Variants in KLHL38 observed in about 807,000 individuals in gnomAD.
The protein encoded by KLHL38 is kelch like family member 38.
A neutral mutation model predicts 39.6 loss-of-function variants in KLHL38; 38 were observed. The ratio of observed to expected loss-of-function variants is 0.96; its 90% confidence interval spans 0.74 to 1.26. The LOEUF (loss-of-function observed/expected upper bound fraction) is 1.26. Among genes scored for constraint, KLHL38 ranks in the 50% most tolerant of loss-of-function variants. The pLI is 0.00. For missense variants in KLHL38, 803 were observed against 748.1 expected (o/e 1.07, Z -0.86); for synonymous variants, 322 against 302.2 (o/e 1.07, Z -0.68).
intron 2 of KLHL38, among the ~76,000 whole-genome samples, chr8:123,649,554 A>G (rs1273822211): frequency 6.6e-6 from 1 of 152,160 alleles, no homozygotes. Flanking sequence ...ACTTCTAAAA[A>G]TGTGAATGTG....
intron 3 of KLHL38, 93 bp from the exon 4 acceptor site, chr8:123,646,121 G>C (rs753247219): frequency 5.3e-6 from 6 of 1,131,986 alleles, no homozygotes; most frequent in East Asian, 2.4e-5. Flanking sequence ...CTGCCACTGC[G>C]TAAGGCTGAG....
Position 123,652,755 on chromosome 8 carries a change from A to C in KLHL38, c.172T>G (p.Tyr58Asp). 1 of 1,614,164 alleles carries C rather than the reference A, an allele frequency of 6.2e-7. No homozygotes were observed. Among genetic ancestry groups the C allele is most frequent in the Non-Finnish European group, 8.5e-7 (1 of 1,180,012 alleles). The change falls in exon 2 of 4, where the codon TAC becomes GAC. Residue 58 changes from tyrosine (Y) to aspartate (D), a missense_variant. By Grantham distance (160) the Tyr-to-Asp change is radical (BLOSUM62 -3). Transcript: ENST00000684634. ...CTGCTGCAGAACATAGCCCTGAAGT[A>C]GGGGCTGCTGGAGGCCAGCACGTTG... ...HRNVLASSSP[Y>D]FRAMFCSSFR...
At chr8:123,647,152 T>C in intron 2 of KLHL38, 138 bp from the exon 3 acceptor site, 1 of 627,480 alleles carries the variant, frequency 1.6e-6, no homozygotes, top group South Asian at 1.9e-5. Context: ...ATGTAGCTAT[T>C]GTTAATAAAC....
rs1587050136 is a variant in KLHL38, at chr8:123,645,333, A to G, written c.*406T>C. 6.6e-6 allele frequency among the ~76,000 whole-genome samples: 1 copy of G among 152,196 alleles called. No homozygotes were observed. The highest frequency in any genetic ancestry group is 1.9e-4 in the East Asian group (1 of 5,174). On this transcript the variant is annotated 3_prime_UTR_variant, in exon 4 of 4. Transcript: ENST00000684634. The stretch of plus-strand genomic sequence containing the variant: ...ATGCCTATAATCCCAGCTACTCAGG[A>G]GGCTGAGGCGTGAGAATCGCTTGAA...
chr8:123,650,436 C>T (rs558225994), intron 2 of KLHL38, among the ~76,000 whole-genome samples: 6 of 152,258 alleles, frequency 3.9e-5, no homozygotes, highest in South Asian at 2.1e-4. Flanking sequence ...TAGGGCATCC[C>T]GCCTGTGCTC....
chr8:123,652,782 G>T lies in KLHL38; in HGVS notation c.145C>A (p.Arg49Ser). 10 of 1,614,124 alleles carry T rather than the reference G, an allele frequency of 6.2e-6. No individual in the cohort carries two copies. Among genetic ancestry groups the T allele is most frequent in the Non-Finnish European group, 8.5e-6 (10 of 1,180,024 alleles). ...GGGCTGCTGGAGGCCAGCACGTTGC[G>T]GTGGCAGGGGATCTCCCGGGCACCG... ...CAGAREIPCHRNVLASSSPYF... is the reference protein window; with the variant it reads ...CAGAREIPCHSNVLASSSPYF... The change falls in exon 2 of 4, where the codon CGC (arginine) becomes AGC (serine). Residue 49 changes from arginine to serine, a missense_variant. Coordinates refer to ENST00000684634, the MANE Select transcript of KLHL38 (RefSeq NM_001081675.3).
chr8:123,652,380 A>C lies in KLHL38; in HGVS notation c.547T>G (p.Tyr183Asp). The change falls in exon 2 of 4, where the codon TAT becomes GAT. Residue 183 changes from tyrosine to aspartate, a missense_variant. Physicochemically the swap from Tyr to Asp is radical, Grantham distance 160. Transcript: ENST00000684634. ...CCACAGAGCCCATCATCTCCGAGATAGTCCCTCAACTCCAAGGCACAGAGC... is the reference window on the plus strand; with the variant it reads ...CCACAGAGCCCATCATCTCCGAGATCGTCCCTCAACTCCAAGGCACAGAGC... ...KELCALELRD[Y>D]LGDDGLCGEE... The C allele has an allele frequency of 6.2e-7, 1 of 1,613,996 alleles. No homozygotes were observed. Among genetic ancestry groups the C allele is most frequent in the Non-Finnish European group, 8.5e-7 (1 of 1,180,012 alleles).
rs754840984 is a variant in KLHL38, at chr8:123,651,758, C to T, written c.1169G>A (p.Gly390Glu). 1 of 1,614,082 alleles carries T rather than the reference C, an allele frequency of 6.2e-7. No individual in the cohort carries two copies. Among genetic ancestry groups the T allele is most frequent in the South Asian group, 1.1e-5 (1 of 91,060 alleles). ...AHKNFIFSIG[G>E]IGEGQELMGS... is the part of the protein sequence containing the mutation. The stretch of plus-strand genomic sequence containing the variant: ...CATGAGCTCCTGCCCTTCTCCAATC[C>T]CCCCGATGGAGAAGATGAAGTTCTT... Residue 390 changes from glycine to glutamate, a missense_variant, in exon 2 of 4, where the codon GGG becomes GAG. Coordinates refer to ENST00000684634, the MANE Select transcript of KLHL38 (RefSeq NM_001081675.3).
chr8:123,648,047 C>T (rs537927271), intron 2 of KLHL38, among the ~76,000 whole-genome samples: 1 of 152,308 alleles, frequency 6.6e-6, no homozygotes, highest in Admixed American at 6.5e-5. Context: ...CACCACTGCA[C>T]TCTAGCCTGG....
rs1348560729 is a variant in KLHL38 at position 123,648,345 on chromosome 8, G to A, written c.1351-1331C>T. Among the ~76,000 whole-genome samples the A allele has an allele frequency of 2.6e-5, 4 of 152,138 alleles. No homozygotes were observed. The East Asian group carries it at 5.8e-4, about 22-fold the overall frequency. On this transcript the variant is annotated intron_variant, in intron 2 of 3. Coordinates refer to ENST00000684634, the MANE Select transcript of KLHL38 (RefSeq NM_001081675.3). ...CTCTGTCTGGAGCCATGAAACTGTG[G>A]CCTTTCCTGATGAAGGCTTTTGAGA...
intron 2 of KLHL38, among the ~76,000 whole-genome samples, chr8:123,651,317 T>A (rs187877424): frequency 2.6e-5 from 4 of 152,244 alleles, no homozygotes; most frequent in African/African-American, 9.6e-5. Context: ...TGTATGCATG[T>A]GCACACGTAT....
In KLHL38 at chr8:123,653,682, CCTTT is replaced by C. The variant is rs1190442269; in HGVS notation, c.-102_-99del. ...TCCAAGGGAAACCATAAACCCCAGG[CCTTT>C]CTTTCAGTTGGCAAATGATTTGTCC... is the stretch of plus-strand genomic sequence containing the variant. On this transcript the variant is annotated 5_prime_UTR_variant, in exon 1 of 4. Transcript: ENST00000684634. Among the ~76,000 whole-genome samples the C allele has an allele frequency of 6.6e-6, 1 of 152,190 alleles. No individual in the cohort carries two copies. The highest frequency in any genetic ancestry group is 1.5e-5 in the Non-Finnish European group (1 of 68,032).
At chr8:123,646,085 C>A in intron 3 of KLHL38, 57 bp from the exon 4 acceptor site, 4 of 1,510,134 alleles carry the variant, frequency 2.6e-6, no homozygotes, top group Non-Finnish European at 3.7e-6. Flanking sequence ...GACTGGAGGT[C>A]AGCAGTCCTG....
chr8:123,645,165 G>A lies in KLHL38; in HGVS notation c.*574C>T, dbSNP rs1236391913. ...GAGACAGAAAGGAGACAGGCCAGGC[G>A]TGGTGGCTCACGCCTGTAATCTCAG... On this transcript the variant is annotated 3_prime_UTR_variant, in exon 4 of 4. Coordinates refer to ENST00000684634, the MANE Select transcript of KLHL38 (RefSeq NM_001081675.3). Among the ~76,000 whole-genome samples, 3 of 152,186 alleles carry A rather than the reference G, an allele frequency of 2.0e-5. No homozygotes were observed. Among genetic ancestry groups the A allele is most frequent in the South Asian group, 2.1e-4 (1 of 4,816 alleles).
At chr8:123,650,043 C>T (rs1295471462) in intron 2 of KLHL38, among the ~76,000 whole-genome samples, 1 of 151,906 alleles carries the variant, frequency 6.6e-6, no homozygotes, top group Non-Finnish European at 1.5e-5. Flanking sequence ...TCTTCCCTTA[C>T]ATGCTTTCTT....
intron 2 of KLHL38, among the ~76,000 whole-genome samples, chr8:123,651,065 T>C (rs1812632564): frequency 6.6e-6 from 1 of 152,240 alleles, no homozygotes; most frequent in Admixed American, 6.5e-5. Flanking sequence ...ATATCCTTTG[T>C]TATGTATTAT....
chr8:123,644,485 T>A lies in KLHL38; in HGVS notation c.*1254A>T, dbSNP rs1225849795. Among the ~76,000 whole-genome samples, 1 of 152,208 alleles carries A rather than the reference T, an allele frequency of 6.6e-6. No individual in the cohort carries two copies. Among genetic ancestry groups the A allele is most frequent in the Non-Finnish European group, 1.5e-5 (1 of 68,046 alleles). ...CTTTATTCTGGCAATGCAGGATAAT[T>A]TTACAAACATTAGATACTGAATTGT... On this transcript the variant is annotated 3_prime_UTR_variant, in exon 4 of 4. Transcript: ENST00000684634.
rs188663479 is a variant in KLHL38 at position 123,644,794 on chromosome 8, C to T, written c.*945G>A. Among the ~76,000 whole-genome samples, 4 of 152,158 alleles carry T rather than the reference C, an allele frequency of 2.6e-5. No homozygotes were observed. The highest frequency in any genetic ancestry group is 5.9e-5 in the Non-Finnish European group (4 of 68,020). The stretch of plus-strand genomic sequence containing the variant: ...CTGTGGGGATGTGGTCCAGGACTAG[C>T]CAGTCCTGGCAACAGTGATTGGCTC... On this transcript the variant is annotated 3_prime_UTR_variant, in exon 4 of 4. Coordinates refer to ENST00000684634, the MANE Select transcript of KLHL38 (RefSeq NM_001081675.3).
chr8:123,651,672 C>A lies in KLHL38; in HGVS notation c.1255G>T (p.Val419Leu). 6.2e-7 allele frequency: 1 copy of A among 1,614,098 alleles called. No homozygotes were observed. Among genetic ancestry groups the A allele is most frequent in the Non-Finnish European group, 8.5e-7 (1 of 1,180,000 alleles). Reference protein sequence around the residue: ...NVWESMASMPVGVLHPAVAVK... With the variant: ...NVWESMASMPLGVLHPAVAVK... The stretch of plus-strand genomic sequence containing the variant: ...GCGACTGCGGGGTGGAGCACCCCCA[C>A]GGGCATGCTGGCCATACTCTCCCAG... Residue 419 changes from valine (V) to leucine (L), a missense_variant, in exon 2 of 4, where the codon GTG becomes TTG. Physicochemically the swap from Val to Leu is conservative, Grantham distance 32. Transcript: ENST00000684634.
Sources: allele counts gnomAD v4.1 joint callset (sites outside exome capture counted in the v4.1 genomes callset), GRCh38; gene constraint gnomAD v4.1.1; transcripts MANE v1.5; gene names NCBI Gene and HGNC (gene_info 2026-07-23, HGNC 2026-07-21).